PCBP3: variants seen among roughly 807,000 people sequenced by gnomAD.
PCBP3 encodes the protein poly(rC) binding protein 3, also known as poly(rC)-binding protein 3.
Under a neutral mutation model 52.7 loss-of-function variants are expected in PCBP3, and 25 were observed. That is an observed-to-expected ratio of 0.47 (90% CI 0.35 to 0.66). The LOEUF (loss-of-function observed/expected upper bound fraction) is 0.66. Ranked by LOEUF, PCBP3 falls within the 30% of genes least tolerant of loss-of-function variation. The probability of loss-of-function intolerance (pLI) is 0.01; values close to 1 mark genes in which losing one functional copy is unlikely to be tolerated. For missense variants in PCBP3, 391 were observed against 490.3 expected (o/e 0.80, Z 1.91); for synonymous variants, 162 against 183.0 (o/e 0.89, Z 0.93).
chr21:45,810,218 C>CTGTGTGTGTGTGTGTGTG lies in PCBP3; in HGVS notation c.-125-39732_-125-39715dup, dbSNP rs149677854. Among the ~76,000 whole-genome samples, 175 of 148,170 alleles carry CTGTGTGTGTGTGTGTGTG rather than the reference C, an allele frequency of 1.2e-3. 1 individual carries two copies. Among genetic ancestry groups the CTGTGTGTGTGTGTGTGTG allele is most frequent in the Middle Eastern group, 3.5e-3 (1 of 288 alleles). On this transcript the variant is annotated intron_variant, in intron 4 of 17. Coordinates refer to ENST00000681687, the MANE Select transcript of PCBP3 (RefSeq NM_001384156.1). ...AACCCTACTTGGTCGTGATTCGATT[C>CTGTGTGTGTGTGTGTGTG]TGTGTGTGTGTGTGTGTGTGTGTGT...
At chr21:45,713,653 C>T (rs1380846701) in intron 2 of PCBP3, among the ~76,000 whole-genome samples, 5 of 152,228 alleles carry the variant, frequency 3.3e-5, no homozygotes, top group South Asian at 2.1e-4. Context: ...CGCCATGCTC[C>T]GCTACTTGCA....
At position 45,646,105 on chromosome 21, in the gene PCBP3, CTCTGTGTGTGTGTGTGTG is replaced by C. The variant is rs1228570697; in HGVS notation, c.-279+2239_-279+2256del. On this transcript the variant is annotated intron_variant, in intron 1 of 17. Coordinates refer to ENST00000681687, the MANE Select transcript of PCBP3 (RefSeq NM_001384156.1). ...TCTTTCTCTCTCTCTCTCTCTCTCT[CTCTGTGTGTGTGTGTGTG>C]TGTGTGTGTGTGTGTGTGTGTGTTT... Among the ~76,000 whole-genome samples the C allele has an allele frequency of 2.0e-4, 19 of 92,976 alleles. 1 individual carries two copies. The highest frequency in any genetic ancestry group is 7.3e-4 in the African/African-American group (17 of 23,360). 61.0% of individuals were successfully genotyped at this position (92,976 alleles called of 152,430 possible). A position where few individuals can be genotyped will look rare whatever the true frequency, so the allele number is the denominator to read the frequency against.
intron 2 of PCBP3, among the ~76,000 whole-genome samples, chr21:45,676,018 A>G (rs747275431): frequency 4.6e-5 from 7 of 152,236 alleles, no homozygotes; most frequent in Admixed American, 6.5e-5. Flanking sequence ...GAAAGTTTGC[A>G]TAATGTACTT....
intron 2 of PCBP3, among the ~76,000 whole-genome samples, chr21:45,688,728 G>A (rs1293260556): frequency 6.6e-6 from 1 of 151,942 alleles, no homozygotes; most frequent in Non-Finnish European, 1.5e-5. Context: ...CAACTGATCA[G>A]GAGAAGAGAA....
At position 45,821,972 on chromosome 21, in the gene PCBP3, T is replaced by C. The variant is rs1285259874; in HGVS notation, c.-125-27989T>C. Among the ~76,000 whole-genome samples, 1 of 152,198 alleles carries C rather than the reference T, an allele frequency of 6.6e-6. No homozygotes were observed. Among genetic ancestry groups the C allele is most frequent in the Non-Finnish European group, 1.5e-5 (1 of 68,038 alleles). On this transcript the variant is annotated intron_variant, in intron 4 of 17. Coordinates refer to ENST00000681687, the MANE Select transcript of PCBP3 (RefSeq NM_001384156.1). This position sits in a 1 kb window ranked among gnomAD's most constrained non-coding sequence, Gnocchi z 4.4. Reference sequence around the variant, plus strand: ...CTTCTCTTTCCTGACAACTTAGCTATTTATCAGACCCCAAAATCATGAGCC... The same window carrying C: ...CTTCTCTTTCCTGACAACTTAGCTACTTATCAGACCCCAAAATCATGAGCC...
At chr21:45,889,562 GCCT>G (rs1249031390) in intron 5 of PCBP3, among the ~76,000 whole-genome samples, 1 of 152,236 alleles carries the variant, frequency 6.6e-6, no homozygotes, top group Non-Finnish European at 1.5e-5. Flanking sequence ...GCCACGGCCA[GCCT>G]CCTCCTCCCT....
intron 4 of PCBP3, among the ~76,000 whole-genome samples, chr21:45,814,716 AGTGAGTG>A (rs1383245460): frequency 1.7e-3 from 74 of 44,106 alleles, no homozygotes; most frequent in African/African-American, 5.8e-3. Context: ...GTGAGTGATG[AGTGAGTG>A]GTGAGTGGTG....
intron 2 of PCBP3, among the ~76,000 whole-genome samples, chr21:45,684,553 A>T (rs577595818): frequency 2.0e-5 from 3 of 152,290 alleles, no homozygotes; most frequent in South Asian, 4.1e-4. Context: ...TACTCTGTTA[A>T]TTCACATGAT....
intron 9 of PCBP3, 73 bp from the exon 10 acceptor site, chr21:45,909,282 C>T (rs1027179172): frequency 1.3e-6 from 2 of 1,497,296 alleles, no homozygotes. Context: ...GAAGTCAGGA[C>T]ACACCCCCTG....
intron 2 of PCBP3, among the ~76,000 whole-genome samples, chr21:45,699,807 G>C (rs552573010): frequency 6.6e-6 from 1 of 152,150 alleles, no homozygotes; most frequent in Non-Finnish European, 1.5e-5. Flanking sequence ...ACCCACCCGC[G>C]TGATTCAATT....
chr21:45,784,358 A>G lies in PCBP3; in HGVS notation c.-126+28906A>G, dbSNP rs1304786445. 5.3e-3 allele frequency among the ~76,000 whole-genome samples: 771 copies of G among 145,928 alleles called. 7 individuals carry two copies. The highest frequency in any genetic ancestry group is 0.019 in the African/African-American group (739 of 38,652). ...CAGCTCTACCTCTACCTCTACCTCTACCTCTACCTCTACCTCTACCTCTAC... is the reference window on the plus strand; with the variant it reads ...CAGCTCTACCTCTACCTCTACCTCTGCCTCTACCTCTACCTCTACCTCTAC... On this transcript the variant is annotated intron_variant, in intron 4 of 17. Transcript: ENST00000681687.
intron 1 of PCBP3, among the ~76,000 whole-genome samples, chr21:45,646,082 TTTCTCTCTCTCTC>T (rs2079248163): frequency 8.7e-6 from 1 of 114,944 alleles, no homozygotes; most frequent in East Asian, 2.3e-4. Context: ...TCTCTCTCTC[TTTCTCTCTCTCTC>T]TCTCTCTCTC....
In PCBP3 at chr21:45,938,964, G is replaced by A. The variant is rs562182292; in HGVS notation, c.910-1066G>A. On this transcript the variant is annotated intron_variant, in intron 16 of 17. Transcript: ENST00000681687. The stretch of plus-strand genomic sequence containing the variant: ...CAAGTGGACGTCCCTCCTGCATGCC[G>A]CCACATGGCCCAGCCCAGCCCTTCC... Among the ~76,000 whole-genome samples the A allele has an allele frequency of 5.3e-5, 8 of 152,328 alleles. No homozygotes were observed. The East Asian group carries it at 7.7e-4, about 15-fold the overall frequency.
intron 2 of PCBP3, among the ~76,000 whole-genome samples, chr21:45,675,550 T>C (rs1467871281): frequency 6.6e-6 from 1 of 152,196 alleles, no homozygotes; most frequent in Non-Finnish European, 1.5e-5. Flanking sequence ...TTCTTACTCC[T>C]GGTTGGCTCA....
intron 2 of PCBP3, among the ~76,000 whole-genome samples, chr21:45,686,483 A>G (rs1304556861): frequency 2.0e-5 from 3 of 152,238 alleles, no homozygotes; most frequent in African/African-American, 7.2e-5. Context: ...GACAAAATCC[A>G]GACACTTAAT....
At position 45,704,845 on chromosome 21, in the gene PCBP3, T is replaced by C. The variant is rs1461866814; in HGVS notation, c.-199-30547T>C. On this transcript the variant is annotated intron_variant, in intron 2 of 17. Transcript: ENST00000681687. This position sits in a 1 kb window ranked among gnomAD's most constrained non-coding sequence, Gnocchi z 4.1. Reference sequence around the variant, plus strand: ...AGAGAGTGATGTGATACAGTGCAGGTAGACGACACAGGGCGCTGCTGTCTG... The same window carrying C: ...AGAGAGTGATGTGATACAGTGCAGGCAGACGACACAGGGCGCTGCTGTCTG... Among the ~76,000 whole-genome samples the C allele has an allele frequency of 3.3e-5, 5 of 152,154 alleles. No individual in the cohort carries two copies. The highest frequency in any genetic ancestry group is 3.3e-4 in the Admixed American group (5 of 15,292).
At chr21:45,649,419 T>C (rs1850137906) in intron 1 of PCBP3, among the ~76,000 whole-genome samples, 1 of 152,224 alleles carries the variant, frequency 6.6e-6, no homozygotes, top group African/African-American at 2.4e-5. Context: ...AAATATTTGC[T>C]TTTTATAGTC....
intron 2 of PCBP3, among the ~76,000 whole-genome samples, chr21:45,723,576 A>G (rs2084816926): frequency 6.6e-6 from 1 of 152,240 alleles, no homozygotes; most frequent in Admixed American, 6.5e-5. Context: ...AGATTGAAAC[A>G]TGGGTATATG....
intron 5 of PCBP3, among the ~76,000 whole-genome samples, chr21:45,855,508 G>A (rs1437203449): frequency 2.0e-5 from 3 of 152,206 alleles, no homozygotes; most frequent in South Asian, 2.1e-4. Context: ...TGCAAAGACC[G>A]AAACAACCAA....
Sources: allele counts gnomAD v4.1 joint callset (sites outside exome capture counted in the v4.1 genomes callset), GRCh38; gene constraint gnomAD v4.1.1; non-coding constraint Gnocchi (gnomAD v3.1); transcripts MANE v1.5; gene names NCBI Gene and HGNC (gene_info 2026-07-23, HGNC 2026-07-21).